ZNF804A: variants seen among roughly 807,000 people sequenced by gnomAD.
ZNF804A encodes zinc finger protein 804A.
Under a neutral mutation model 16.5 loss-of-function variants are expected in ZNF804A, and 2 were observed. The observed-to-expected ratio is 0.12, with a 90% CI of 0.05 to 0.38. The LOEUF is 0.38. Ranked by LOEUF, ZNF804A falls within the 10% of genes least tolerant of loss-of-function variation. ZNF804A has a pLI of 0.99. For missense variants in ZNF804A, 1,473 were observed against 1,390.7 expected (o/e 1.06, Z -0.94); for synonymous variants, 534 against 489.6 (o/e 1.09, Z -1.20).
chr2:184,733,593 AC>A (rs1290089299), intron 1 of ZNF804A, among the ~76,000 whole-genome samples: 1 of 152,148 alleles, frequency 6.6e-6, no homozygotes, highest in Non-Finnish European at 1.5e-5. Context: ...TTAGAGAATT[AC>A]TATAATTTCT....
chr2:184,636,439 G>A (rs1432878517), intron 1 of ZNF804A, among the ~76,000 whole-genome samples: 5 of 135,836 alleles, frequency 3.7e-5, no homozygotes, highest in African/African-American at 1.4e-4. Flanking sequence ...GTGTGTGTGT[G>A]TGTGTGTGTG....
chr2:184,883,199 C>T (rs913251552), intron 2 of ZNF804A, among the ~76,000 whole-genome samples: 1 of 152,056 alleles, frequency 6.6e-6, no homozygotes, highest in Admixed American at 6.5e-5. Flanking sequence ...TGCCTAAACA[C>T]ATACAACCAT....
At chr2:184,599,399 C>G (rs2105662757) in intron 1 of ZNF804A, among the ~76,000 whole-genome samples, 1 of 152,262 alleles carries the variant, frequency 6.6e-6, no homozygotes, top group East Asian at 1.9e-4. Context: ...CCAAGTTACC[C>G]CATAACCTCT....
At chr2:184,793,850 C>T (rs772892959) in intron 1 of ZNF804A, among the ~76,000 whole-genome samples, 5 of 152,114 alleles carry the variant, frequency 3.3e-5, no homozygotes, top group Non-Finnish European at 7.4e-5. Flanking sequence ...AGTTACTTCA[C>T]TTAGAATGAT....
intron 1 of ZNF804A, among the ~76,000 whole-genome samples, chr2:184,849,411 A>G (rs1695568749): frequency 6.6e-6 from 1 of 152,034 alleles, no homozygotes; most frequent in Admixed American, 6.6e-5. Context: ...ATGGATATCT[A>G]TATGGAAGAA....
rs762537446 is a variant in ZNF804A, at chr2:184,937,710, C to T, written c.2314C>T (p.Arg772Cys). ...TGAATCAGAAAGATTCTATCGAAAA[C>T]GTAGACAACATTCACATTCTTATTC... The part of the protein sequence containing the change: ...MNESERFYRK[R>C]RQHSHSYSSD... Residue 772 changes from arginine to cysteine, a missense_variant, in exon 4 of 4, where the codon CGT (arginine) becomes TGT (cysteine). Physicochemically the swap from Arg to Cys is radical, Grantham distance 180. Coordinates refer to ENST00000302277, the MANE Select transcript of ZNF804A (RefSeq NM_194250.2). 22 of 1,613,976 alleles carry T rather than the reference C, an allele frequency of 1.4e-5. No individual in the cohort carries two copies. Among genetic ancestry groups the T allele is most frequent in the African/African-American group, 4.0e-5 (3 of 75,018 alleles).
Position 184,601,461 on chromosome 2 carries a change from A to G in ZNF804A, c.111+2391A>G, listed in dbSNP as rs188774525. ...AATTAGCAACTCAATAAGAAATACA[A>G]ACATCATCTTAGAAGGTATATATGC... On this transcript the variant is annotated intron_variant, in intron 1 of 3. Coordinates refer to ENST00000302277, the MANE Select transcript of ZNF804A (RefSeq NM_194250.2). Among the ~76,000 whole-genome samples, 49 of 152,132 alleles carry G rather than the reference A, an allele frequency of 3.2e-4. 1 individual carries two copies. In the East Asian group the frequency reaches 9.3e-3, roughly 29 times the overall value.
intron 1 of ZNF804A, among the ~76,000 whole-genome samples, chr2:184,728,436 C>T (rs148589344): frequency 2.0e-5 from 3 of 151,914 alleles, no homozygotes; most frequent in Admixed American, 1.3e-4. Flanking sequence ...TGTATTATTA[C>T]TTCTATGCTT....
intron 1 of ZNF804A, among the ~76,000 whole-genome samples, chr2:184,821,745 G>A (rs1332471298): frequency 6.6e-6 from 1 of 152,018 alleles, no homozygotes; most frequent in Non-Finnish European, 1.5e-5. Flanking sequence ...ATTAAAAAGT[G>A]GGCAAGAGTA....
chr2:184,725,754 T>C (rs1325448250), intron 1 of ZNF804A, among the ~76,000 whole-genome samples: 2 of 151,354 alleles, frequency 1.3e-5, no homozygotes, highest in African/African-American at 4.8e-5. Context: ...ACCAAGAAGC[T>C]CTGCCTGATG....
At chr2:184,683,076 T>A (rs1692568186) in intron 1 of ZNF804A, among the ~76,000 whole-genome samples, 1 of 152,186 alleles carries the variant, frequency 6.6e-6, no homozygotes, top group South Asian at 2.1e-4. Flanking sequence ...TAGTTTTTAT[T>A]TTTCTTATTT....
chr2:184,655,676 C>G (rs1057498913), intron 1 of ZNF804A, among the ~76,000 whole-genome samples: 3 of 151,594 alleles, frequency 2.0e-5, no homozygotes, highest in Non-Finnish European at 4.4e-5. Context: ...ATGGAATTCT[C>G]TAGAGGTTTT....
intron 1 of ZNF804A, among the ~76,000 whole-genome samples, chr2:184,805,959 T>C (rs1046022571): frequency 6.6e-6 from 1 of 151,940 alleles, no homozygotes; most frequent in African/African-American, 2.4e-5. Context: ...TATCTACAAT[T>C]CTGTAGAGGA....
chr2:184,741,655 T>A (rs1693710609), intron 1 of ZNF804A, among the ~76,000 whole-genome samples: 1 of 152,172 alleles, frequency 6.6e-6, no homozygotes, highest in Non-Finnish European at 1.5e-5. Context: ...TGGGCAGGAA[T>A]AATTACTTAC....
Position 184,933,689 on chromosome 2 carries a change from C to A in ZNF804A, c.342C>A (p.Leu114=). 1.9e-6 allele frequency: 3 copies of A among 1,609,892 alleles called. No homozygotes were observed. In the South Asian group the frequency reaches 3.3e-5, roughly 18 times the overall value. The change falls in exon 3 of 4, where the codon CTC becomes CTA. Residue 114 remains leucine, a synonymous_variant. Coordinates refer to ENST00000302277, the MANE Select transcript of ZNF804A (RefSeq NM_194250.2). ...RKDERKQEKA[L]QRLHKLAELR... ...ATGAAAGAAAACAGGAAAAGGCACT[C>A]CAACGCCTGCACAAGCTGGCTGAGC...
chr2:184,919,168 A>G (rs998538541), intron 2 of ZNF804A, among the ~76,000 whole-genome samples: 1 of 152,196 alleles, frequency 6.6e-6, no homozygotes, highest in Non-Finnish European at 1.5e-5. Flanking sequence ...TGTGAGAATC[A>G]TTGAGTGCAG....
chr2:184,781,707 G>A (rs1430084513), intron 1 of ZNF804A, among the ~76,000 whole-genome samples: 1 of 151,714 alleles, frequency 6.6e-6, no homozygotes, highest in Non-Finnish European at 1.5e-5. Flanking sequence ...TATAAAAAGG[G>A]TTTTAGCTCA....
intron 1 of ZNF804A, among the ~76,000 whole-genome samples, chr2:184,788,926 A>G (rs908374435): frequency 6.6e-6 from 1 of 152,038 alleles, no homozygotes; most frequent in Non-Finnish European, 1.5e-5. Flanking sequence ...TCCTGGGAGA[A>G]ATACTTTCAT....
chr2:184,618,772 C>A (rs1691372013), intron 1 of ZNF804A, among the ~76,000 whole-genome samples: 1 of 151,986 alleles, frequency 6.6e-6, no homozygotes, highest in Admixed American at 6.6e-5. Flanking sequence ...AGAAGTGCAC[C>A]ACCATTTTCT....
Sources: gnomAD v4.1 joint callset for allele counts (sites outside exome capture counted in the v4.1 genomes callset) on GRCh38, gnomAD v4.1.1 for gene constraint, MANE v1.5 for transcripts, NCBI Gene and HGNC (gene_info 2026-07-23, HGNC 2026-07-21) for gene names.